Variants in MLC1 observed in about 807,000 individuals in gnomAD.
The protein encoded by MLC1 is membrane protein MLC1.
In MLC1, 32 loss-of-function variants were observed where a neutral mutation model predicts 44.7. The ratio of observed to expected loss-of-function variants is 0.72; its 90% CI spans 0.54 to 0.96. The LOEUF (loss-of-function observed/expected upper bound fraction) is 0.96, where lower values mean the gene tolerates loss of function less well. Among genes scored for constraint, MLC1 ranks in the 40% least tolerant of loss-of-function variants. MLC1 has a pLI of 0.00. For missense variants in MLC1, 459 were observed against 492.2 expected, an observed-to-expected ratio of 0.93 and a Z score of 0.64; for synonymous variants, 190 against 213.0, an observed-to-expected ratio of 0.89 and a Z score of 0.94.
chr22:50,061,742 G>T, intron 11 of MLC1, 85 bp from the exon 12 acceptor site: 1 of 1,263,186 alleles, frequency 7.9e-7, no homozygotes, highest in Non-Finnish European at 1.1e-6. Flanking sequence ...CACAGGCAGC[G>T]AGCAGCCAGC....
chr22:50,066,017 A>C (rs2294385), intron 10 of MLC1, among the ~76,000 whole-genome samples: 24 of 152,102 alleles, frequency 1.6e-4, no homozygotes, highest in Non-Finnish European at 3.4e-4. Flanking sequence ...TCGAGAAAAC[A>C]CCAGGATAAA....
chr22:50,081,600 C>T (rs898792764), intron 3 of MLC1, among the ~76,000 whole-genome samples: 1 of 152,254 alleles, frequency 6.6e-6, no homozygotes, highest in Non-Finnish European at 1.5e-5. Flanking sequence ...CTCCTGCAGC[C>T]ATGGGACCCC....
chr22:50,081,059 G>GAAAGAAAGAAAGAAA (rs1484447304), intron 3 of MLC1, among the ~76,000 whole-genome samples: 45 of 19,118 alleles, frequency 2.4e-3, no homozygotes, highest in South Asian at 8.1e-3. Flanking sequence ...GAAAGAAAGA[G>GAAAGAAAGAAAGAAA]GAGGTCTGGT....
rs1405109455 is a variant in MLC1, at chr22:50,068,464, T to C, written c.863A>G (p.Glu288Gly). 1 of 1,613,752 alleles carries C rather than the reference T, an allele frequency of 6.2e-7. No individual in the cohort carries two copies. Among genetic ancestry groups the C allele is most frequent in the Non-Finnish European group, 8.5e-7 (1 of 1,179,870 alleles). The change falls in exon 10 of 12, where the codon GAG becomes GGG. Residue 288 changes from glutamate to glycine, a missense_variant. Glu to Gly is a moderately conservative substitution (Grantham distance 98). Coordinates refer to ENST00000311597, the MANE Select transcript of MLC1 (RefSeq NM_015166.4). The stretch of plus-strand genomic sequence containing the variant: ...GGCTGGCGGGTAATCCTTAAACATC[T>C]CCACGATTCTCATGATGCTGAATGA... The part of the protein sequence containing the change: ...YLSFSIMRIV[E>G]MFKDYPPAIK...
rs1448962356 is a variant in MLC1, at chr22:50,064,213, A to G, written c.895-15T>C. On this transcript the variant is annotated splice_polypyrimidine_tract_variant and intron_variant, in intron 10 of 11. Transcript: ENST00000311597. ...TCGTAGGATGGCTGCAGGCGGAAGG[A>G]GGTGTGAGCAGAGTGGCCCAGCCGC... 1 of 1,582,270 alleles carries G rather than the reference A, an allele frequency of 6.3e-7. No individual in the cohort carries two copies. The highest frequency in any genetic ancestry group is 8.5e-7 in the Non-Finnish European group (1 of 1,170,834).
Position 50,061,285 on chromosome 22 carries a change from C to G in MLC1, c.*298G>C, listed in dbSNP as rs1033699292. The G allele has an allele frequency of 4.4e-5, 21 of 475,736 alleles. No homozygotes were observed. The highest frequency in any genetic ancestry group is 4.1e-4 in the African/African-American group (21 of 50,830). The allele number at this position is 475,736 out of a possible 1,614,324, so 29.5% of individuals were successfully genotyped here. ...AGCTGGGGCCAGTTCAGGGGTGGGG[C>G]TCTCAAGAGGCCGAGCCGGGGGCCC... On this transcript the variant is annotated 3_prime_UTR_variant, in exon 12 of 12. Coordinates refer to ENST00000311597, the MANE Select transcript of MLC1 (RefSeq NM_015166.4).
chr22:50,061,332 G>A lies in MLC1; in HGVS notation c.*251C>T, dbSNP rs1480386612. 2.9e-5 allele frequency: 16 copies of A among 552,512 alleles called. No homozygotes were observed. The highest frequency in any genetic ancestry group is 4.2e-5 in the Non-Finnish European group (13 of 305,970). The allele number at this position is 552,512 out of a possible 1,614,324, so 34.2% of individuals were successfully genotyped here. ...GCCCTTCCTCGGCCTGGGAAGTTGC[G>A]GCCATGCTCCTGCTGTTACGACACG... is the stretch of plus-strand genomic sequence containing the variant. On this transcript the variant is annotated 3_prime_UTR_variant, in exon 12 of 12. Transcript: ENST00000311597.
Position 50,080,368 on chromosome 22 carries a change from G to A in MLC1, c.297C>T (p.Thr99=), listed in dbSNP as rs143871356. Residue 99 remains threonine, a synonymous_variant, in exon 4 of 12, where the codon ACC becomes ACT. Coordinates refer to ENST00000311597, the MANE Select transcript of MLC1 (RefSeq NM_015166.4). ...CCACATTGGCGTTCCTCCTGGAGAC[G>A]GTGAAGCTCACAATTGCCGAGGGGA... ...SCIPSAIVSF[T]VSRRNANVIP... is the part of the protein sequence containing the mutation. The A allele has an allele frequency of 3.1e-6, 5 of 1,607,692 alleles. No individual in the cohort carries two copies. The highest frequency in any genetic ancestry group is 1.3e-5 in the African/African-American group (1 of 74,750).
intron 4 of MLC1, 38 bp downstream of exon 4, chr22:50,080,306 T>C (rs2062090092): frequency 1.3e-6 from 2 of 1,588,140 alleles, no homozygotes; most frequent in Non-Finnish European, 1.7e-6. Flanking sequence ...CCCCTCCGGC[T>C]TTCTCCCTGG....
rs11568172 is a variant in MLC1 at position 50,080,386 on chromosome 22, C to A, written c.279G>T (p.Ser93=). 3.1e-6 allele frequency: 5 copies of A among 1,605,266 alleles called. No individual in the cohort carries two copies. The highest frequency in any genetic ancestry group is 1.1e-5 in the South Asian group (1 of 89,212). ...LRCAAGSCIP[S]AIVSFTVSRR... is the part of the protein sequence containing the mutation. The stretch of plus-strand genomic sequence containing the variant: ...TGGAGACGGTGAAGCTCACAATTGC[C>A]GAGGGGATGCACTGGAATGAAACCG... Residue 93 remains serine, a synonymous_variant, in exon 4 of 12, where the codon TCG becomes TCT. Coordinates refer to ENST00000311597, the MANE Select transcript of MLC1 (RefSeq NM_015166.4).
intron 11 of MLC1, 147 bp from the exon 12 acceptor site, chr22:50,061,804 C>T: frequency 1.3e-6 from 1 of 742,690 alleles, no homozygotes; most frequent in East Asian, 2.7e-5. Flanking sequence ...AACCCCTGGG[C>T]CTCTGTGGAA....
chr22:50,065,838 G>C (rs1244659779), intron 10 of MLC1, among the ~76,000 whole-genome samples: 1 of 152,222 alleles, frequency 6.6e-6, no homozygotes, highest in African/African-American at 2.4e-5. Context: ...ATATCCTAAA[G>C]ATGCGCTGAG....
At position 50,064,189 on chromosome 22, in the gene MLC1, C is replaced by T. The variant is rs1196619166; in HGVS notation, c.904G>A (p.Asp302Asn). The T allele has an allele frequency of 1.9e-6, 3 of 1,598,304 alleles. No individual in the cohort carries two copies. The highest frequency in any genetic ancestry group is 2.2e-5 in the South Asian group (2 of 90,212). ...DYPPAIKPSYDVLLLLLLLVL... is the reference protein window; with the variant it reads ...DYPPAIKPSYNVLLLLLLLVL... ...AGCAGCAGCAGCAGCAGCAGCACAT[C>T]GTAGGATGGCTGCAGGCGGAAGGAG... The change falls in exon 11 of 12, where the codon GAT (aspartate) becomes AAT (asparagine). Residue 302 changes from aspartate to asparagine, a missense_variant. Transcript: ENST00000311597.
chr22:50,081,585 C>T (rs2062142772), intron 3 of MLC1, among the ~76,000 whole-genome samples: 1 of 152,252 alleles, frequency 6.6e-6, no homozygotes, highest in African/African-American at 2.4e-5. Context: ...CCGTGCAGGG[C>T]CTTGCTCCTG....
At chr22:50,074,654 C>G (rs1264556621) in intron 7 of MLC1, 1 of 381,068 alleles carries the variant, frequency 2.6e-6, no homozygotes, top group Non-Finnish European at 5.1e-6. Flanking sequence ...ACTCCCTTCC[C>G]TGTCTCACAG....
chr22:50,080,386 C>T lies in MLC1; in HGVS notation c.279G>A (p.Ser93=), dbSNP rs11568172. Residue 93 remains serine (S), a synonymous_variant, in exon 4 of 12, where the codon TCG becomes TCA. Coordinates refer to ENST00000311597, the MANE Select transcript of MLC1 (RefSeq NM_015166.4). ...LRCAAGSCIP[S]AIVSFTVSRR... ...TGGAGACGGTGAAGCTCACAATTGC[C>T]GAGGGGATGCACTGGAATGAAACCG... 8,819 of 1,605,238 alleles carry T rather than the reference C, an allele frequency of 5.5e-3. 45 individuals are homozygous for T. The highest frequency in any genetic ancestry group is 9.9e-3 in the Middle Eastern group (60 of 6,056).
chr22:50,066,102 C>A (rs1745387164), intron 10 of MLC1, among the ~76,000 whole-genome samples: 1 of 152,170 alleles, frequency 6.6e-6, no homozygotes, highest in Non-Finnish European at 1.5e-5. Context: ...CTTTGGGAGG[C>A]CAAGGTGGGC....
chr22:50,061,352 G>A lies in MLC1; in HGVS notation c.*231C>T, dbSNP rs977443093. Reference sequence around the variant, plus strand: ...GTTGCGGCCATGCTCCTGCTGTTACGACACGGGAGCCACTCGGAGCTGACT... The same window carrying A: ...GTTGCGGCCATGCTCCTGCTGTTACAACACGGGAGCCACTCGGAGCTGACT... On this transcript the variant is annotated 3_prime_UTR_variant, in exon 12 of 12. Coordinates refer to ENST00000311597, the MANE Select transcript of MLC1 (RefSeq NM_015166.4). The A allele has an allele frequency of 5.2e-5, 30 of 580,832 alleles. No homozygotes were observed. Among genetic ancestry groups the A allele is most frequent in the South Asian group, 4.2e-4 (22 of 52,098 alleles). The allele number at this position is 580,832 out of a possible 1,614,324, so 36.0% of individuals were successfully genotyped here. A position where few individuals can be genotyped will look rare whatever the true frequency, so the allele number is the denominator to read the frequency against.
chr22:50,063,761 T>C (rs4569575), intron 11 of MLC1, among the ~76,000 whole-genome samples: 1 of 23,522 alleles, frequency 4.3e-5, no homozygotes, highest in Non-Finnish European at 8.9e-5. Context: ...CCCACAGGCT[T>C]CTCACCTCCC....
Sources: allele counts gnomAD v4.1 joint callset (sites outside exome capture counted in the v4.1 genomes callset), GRCh38; gene constraint gnomAD v4.1.1; transcripts MANE v1.5; gene names NCBI Gene and HGNC (gene_info 2026-07-23, HGNC 2026-07-21).